Variants in RAB43 observed in about 807,000 individuals in gnomAD.
RAB43 encodes the protein RAB43, member RAS oncogene family.
Under a neutral mutation model 18.8 loss-of-function variants are expected in RAB43, and 6 were observed. That is an observed-to-expected ratio of 0.32 (90% CI 0.17 to 0.63). The LOEUF is 0.63. RAB43 is among the 30% of genes least tolerant of loss of function. The pLI is 0.79. For synonymous variants in RAB43, 103 were observed against 124.1 expected (o/e 0.83, Z 1.13); for missense variants, 195 against 289.1 (o/e 0.67, Z 2.36).
chr3:129,115,722 G>A (rs564294120), intron 1 of RAB43, among the ~76,000 whole-genome samples: 2 of 152,190 alleles, frequency 1.3e-5, no homozygotes, highest in South Asian at 2.1e-4. Flanking sequence ...TTGGGAGGCT[G>A]AGGCAGGAGA....
chr3:129,116,166 C>T (rs1481635946), intron 1 of RAB43, among the ~76,000 whole-genome samples: 3 of 152,136 alleles, frequency 2.0e-5, no homozygotes, highest in East Asian at 1.9e-4. Context: ...GTCTATATAG[C>T]GTTCAGTACC....
intron 2 of RAB43, 29 bp from the exon 3 acceptor site, chr3:129,091,375 G>A (rs1282716154): frequency 6.3e-7 from 1 of 1,594,972 alleles, no homozygotes; most frequent in Non-Finnish European, 8.5e-7. Flanking sequence ...GCAGCATGAG[G>A]CCATGGGGGC....
intron 1 of RAB43, among the ~76,000 whole-genome samples, chr3:129,103,148 C>T (rs1030729283): frequency 6.6e-6 from 1 of 152,230 alleles, no homozygotes; most frequent in African/African-American, 2.4e-5. Context: ...GGACTCCAGG[C>T]TGGCTGTCTC....
In RAB43 at chr3:129,089,390, C is replaced by T. The variant is rs1224471865; in HGVS notation, c.*1706G>A. The T allele has an allele frequency of 7.4e-6, 1 of 134,288 alleles. No homozygotes were observed. Among genetic ancestry groups the T allele is most frequent in the African/African-American group, 2.9e-5 (1 of 34,810 alleles). The allele number at this position is 134,288 out of a possible 1,614,324, so 8.3% of individuals were successfully genotyped here. A position where few individuals can be genotyped will look rare whatever the true frequency, so the allele number is the denominator to read the frequency against. Reference sequence around the variant, plus strand: ...CCCAGACCCCACTCAGCTCCACTCTCACCCCTGCCACAAGCAAAGCTGCTG... The same window carrying T: ...CCCAGACCCCACTCAGCTCCACTCTTACCCCTGCCACAAGCAAAGCTGCTG... On this transcript the variant is annotated 3_prime_UTR_variant, in exon 3 of 3. Transcript: ENST00000315150.
chr3:129,120,082 T>C (rs1935809510), intron 1 of RAB43, among the ~76,000 whole-genome samples: 1 of 152,098 alleles, frequency 6.6e-6, no homozygotes, highest in South Asian at 2.1e-4. Context: ...CAGAAGACGA[T>C]TAAAATATAA....
In RAB43 at chr3:129,110,621, G is replaced by A. The variant is rs550121334; in HGVS notation, c.204+10665C>T. Among the ~76,000 whole-genome samples, 4 of 152,088 alleles carry A rather than the reference G, an allele frequency of 2.6e-5. No homozygotes were observed. The South Asian group carries it at 6.2e-4, about 24-fold the overall frequency. ...TGGGAGGCTGAGGCGGGCGGATCAC[G>A]AGGTCAGAAGATCAAGACGATCCTG... On this transcript the variant is annotated intron_variant, in intron 1 of 2. Coordinates refer to ENST00000315150, the MANE Select transcript of RAB43 (RefSeq NM_198490.3).
At position 129,091,122 on chromosome 3, in the gene RAB43, C is replaced by G. The variant is rs1204549862; in HGVS notation, c.613G>C (p.Gly205Arg). The G allele has an allele frequency of 6.2e-7, 1 of 1,601,754 alleles. No homozygotes were observed. Among genetic ancestry groups the G allele is most frequent in the Admixed American group, 1.7e-5 (1 of 58,392 alleles). The change falls in exon 3 of 3, where the codon GGA becomes CGA. Residue 205 changes from glycine to arginine, a missense_variant. Gly to Arg is a moderately radical substitution (Grantham distance 125). Coordinates refer to ENST00000315150, the MANE Select transcript of RAB43 (RefSeq NM_198490.3). Reference protein sequence around the residue: ...DHIQLNSKDIGEGWGCGC With the variant: ...DHIQLNSKDIREGWGCGC ...CAGCACCCGCAGCCCCAGCCTTCTC[C>G]GATGTCCTTGCTGTTCAGCTGGATG...
chr3:129,108,926 C>T lies in RAB43; in HGVS notation c.204+12360G>A, dbSNP rs975004788. On this transcript the variant is annotated intron_variant, in intron 1 of 2. Coordinates refer to ENST00000315150, the MANE Select transcript of RAB43 (RefSeq NM_198490.3). ...ATGAAGCCCACAACATCCCCTAGGACGCATTCTTGCCAGAATGGTTTAACT... is the reference window on the plus strand; with the variant it reads ...ATGAAGCCCACAACATCCCCTAGGATGCATTCTTGCCAGAATGGTTTAACT... Among the ~76,000 whole-genome samples, 9 of 152,140 alleles carry T rather than the reference C, an allele frequency of 5.9e-5. No homozygotes were observed. In the South Asian group the frequency reaches 1.2e-3, roughly 21 times the overall value.
At chr3:129,113,136 T>G (rs1935276461) in intron 1 of RAB43, among the ~76,000 whole-genome samples, 1 of 151,604 alleles carries the variant, frequency 6.6e-6, no homozygotes, top group Non-Finnish European at 1.5e-5. Context: ...TATACACGTT[T>G]GAGTTTTAGG....
chr3:129,116,619 C>T (rs1168545286), intron 1 of RAB43, among the ~76,000 whole-genome samples: 1 of 152,194 alleles, frequency 6.6e-6, no homozygotes, highest in African/African-American at 2.4e-5. Flanking sequence ...AAATTTGACT[C>T]CTAGGGCAAG....
chr3:129,092,440 G>C lies in RAB43; in HGVS notation c.389-1094C>G, dbSNP rs893604506. The C allele has an allele frequency of 4.5e-6, 3 of 670,474 alleles. No individual in the cohort carries two copies. The East Asian group carries it at 8.6e-5, about 19-fold the overall frequency. 41.5% of individuals were successfully genotyped at this position (670,474 alleles called of 1,614,324 possible). A position where few individuals can be genotyped will look rare whatever the true frequency, so the allele number is the denominator to read the frequency against. ...ACTTCAGTTGCTAATTGCTGAAGCA[G>C]GGTAATGGGTACCTGGGGGCTCATT... On this transcript the variant is annotated intron_variant, in intron 2 of 2. Transcript: ENST00000315150.
At chr3:129,101,026 G>A (rs190833331) in intron 1 of RAB43, among the ~76,000 whole-genome samples, 53 of 152,184 alleles carry the variant, frequency 3.5e-4, no homozygotes, top group African/African-American at 1.3e-3. Context: ...GGCTGGTCTC[G>A]AACTTCTGAC....
At chr3:129,109,061 C>G (rs985092503) in intron 1 of RAB43, among the ~76,000 whole-genome samples, 2 of 147,062 alleles carry the variant, frequency 1.4e-5, no homozygotes, top group African/African-American at 5.1e-5. Context: ...AAGGTGACTC[C>G]TACAAAAAAA....
At position 129,091,131 on chromosome 3, in the gene RAB43, T is replaced by C; in HGVS notation, c.604A>G (p.Lys202Glu). 1 of 1,593,724 alleles carries C rather than the reference T, an allele frequency of 6.3e-7. No homozygotes were observed. The highest frequency in any genetic ancestry group is 8.5e-7 in the Non-Finnish European group (1 of 1,170,504). The change falls in exon 3 of 3, where the codon AAG becomes GAG. Residue 202 changes from lysine (K) to glutamate (E), a missense_variant. By Grantham distance (56) the Lys-to-Glu change is moderately conservative. Transcript: ENST00000315150. The stretch of plus-strand genomic sequence containing the variant: ...CAGCCCCAGCCTTCTCCGATGTCCT[T>C]GCTGTTCAGCTGGATGTGGTCGGGG... ...KSPDHIQLNS[K>E]DIGEGWGCGC
At chr3:129,102,136 C>T (rs963009860) in intron 1 of RAB43, among the ~76,000 whole-genome samples, 3 of 152,252 alleles carry the variant, frequency 2.0e-5, no homozygotes, top group Non-Finnish European at 4.4e-5. Context: ...CACTGTGAGA[C>T]ACATTCCTCA....
In RAB43 at chr3:129,119,667, C is replaced by T. The variant is rs1038997694; in HGVS notation, c.204+1619G>A. Among the ~76,000 whole-genome samples the T allele has an allele frequency of 3.9e-5, 6 of 152,112 alleles. No homozygotes were observed. The South Asian group carries it at 6.2e-4, about 16-fold the overall frequency. On this transcript the variant is annotated intron_variant, in intron 1 of 2. Transcript: ENST00000315150. ...GCCCCGGGCTGCTTCCTAGGAAGGA[C>T]AATCTGGAGGCAACCATAAGGAAAG...
At chr3:129,092,594 C>A in intron 2 of RAB43, 1 of 666,474 alleles carries the variant, frequency 1.5e-6, no homozygotes, top group Non-Finnish European at 2.7e-6. Context: ...GACTGCATCT[C>A]TAAAAATATA....
intron 2 of RAB43, among the ~76,000 whole-genome samples, chr3:129,094,384 C>T (rs925428319): frequency 6.6e-6 from 1 of 152,114 alleles, no homozygotes; most frequent in Non-Finnish European, 1.5e-5. Flanking sequence ...CTAGCCCCAG[C>T]CCCTGTCAAA....
chr3:129,096,415 T>TAGTTCATGCGTCTTGC (rs1461938124), intron 1 of RAB43, among the ~76,000 whole-genome samples: 3 of 152,236 alleles, frequency 2.0e-5, no homozygotes, highest in Non-Finnish European at 2.9e-5. Context: ...CTATGTTCCA[T>TAGTTCATGCGTCTTGC]AGTTCATGCG....
Sources: allele counts gnomAD v4.1 joint callset (sites outside exome capture counted in the v4.1 genomes callset), GRCh38; gene constraint gnomAD v4.1.1; transcripts MANE v1.5; gene names NCBI Gene and HGNC (gene_info 2026-07-23, HGNC 2026-07-21).